The following PKM variants were observed in gnomAD, a reference collection of about 807,000 sequenced individuals.
The protein encoded by PKM is pyruvate kinase PKM.
In PKM, 18 loss-of-function variants were observed where a neutral mutation model predicts 49.8. The ratio of observed to expected loss-of-function variants is 0.36; its 90% CI spans 0.25 to 0.54. The LOEUF is 0.54. Among genes scored for constraint, PKM ranks in the 20% least tolerant of loss-of-function variants. PKM has a pLI of 0.89. For missense variants in PKM, 508 were observed against 713.8 expected (o/e 0.71, Z 3.28); for synonymous variants, 239 against 261.8 (o/e 0.91, Z 0.84).
chr15:72,217,335 C>T, intron 3 of PKM, 74 bp downstream of exon 3: 3 of 910,854 alleles, frequency 3.3e-6, no homozygotes, highest in Non-Finnish European at 3.7e-6. Flanking sequence ...TCCACTGTGG[C>T]TAAACGAACA....
Position 72,202,148 on chromosome 15 carries a change from G to T in PKM, c.1307+306C>A. ...AAAGTGGTTATCTTTTACAATTTTAGAGGACTAAATTTTCAATATCAAATA... is the reference window on the plus strand; with the variant it reads ...AAAGTGGTTATCTTTTACAATTTTATAGGACTAAATTTTCAATATCAAATA... On this transcript the variant is annotated intron_variant, in intron 9 of 10. Transcript: ENST00000335181. The surrounding 1 kb of genome is among the most constrained non-coding windows in gnomAD (Gnocchi z 4.5). 4.7e-6 allele frequency: 2 copies of T among 424,566 alleles called. No homozygotes were observed. Among genetic ancestry groups the T allele is most frequent in the Non-Finnish European group, 8.7e-6 (2 of 231,078 alleles). The allele number at this position is 424,566 out of a possible 1,614,324, so 26.3% of individuals were successfully genotyped here.
intron 2 of PKM, among the ~76,000 whole-genome samples, chr15:72,218,422 G>A (rs565023367): frequency 5.9e-5 from 9 of 151,662 alleles, no homozygotes; most frequent in Admixed American, 1.3e-4. Flanking sequence ...CACTGCGCCC[G>A]GACAATTTTT....
intron 7 of PKM, 120 bp downstream of exon 7, chr15:72,207,007 G>T: frequency 1.4e-6 from 2 of 1,472,768 alleles, no homozygotes; most frequent in South Asian, 1.1e-5. Context: ...CATGGGGGAA[G>T]GGGATTATCT....
chr15:72,219,213 A>C, intron 1 of PKM, 103 bp from the exon 2 acceptor site: 2 of 1,043,780 alleles, frequency 1.9e-6, no homozygotes, highest in Non-Finnish European at 2.8e-6. Context: ...CTCAATAAGC[A>C]CGCTTTGTAC....
rs1454700259 is a variant in PKM, at chr15:72,200,860, T to C, written c.1308-205A>G. ...GCATGCTAGGTTACCATTTGCCCTCTACCCCCATTCCACAGGCCAAGGGCT... is the reference window on the plus strand; with the variant it reads ...GCATGCTAGGTTACCATTTGCCCTCCACCCCCATTCCACAGGCCAAGGGCT... On this transcript the variant is annotated intron_variant, in intron 9 of 10. Coordinates refer to ENST00000335181, the MANE Select transcript of PKM (RefSeq NM_002654.6). The surrounding 1 kb of genome is among the most constrained non-coding windows in gnomAD (Gnocchi z 4.6). The C allele has an allele frequency of 3.6e-6, 2 of 558,236 alleles. No homozygotes were observed. The highest frequency in any genetic ancestry group is 1.9e-5 in the African/African-American group (1 of 53,132). 34.6% of individuals were successfully genotyped at this position (558,236 alleles called of 1,614,324 possible). A position where few individuals can be genotyped will look rare whatever the true frequency, so the allele number is the denominator to read the frequency against.
intron 3 of PKM, among the ~76,000 whole-genome samples, chr15:72,215,000 A>T (rs1010185747): frequency 6.6e-6 from 1 of 151,812 alleles, no homozygotes; most frequent in Non-Finnish European, 1.5e-5. Context: ...CAAGTTCAAG[A>T]CCAGCCTGGC....
Position 72,200,374 on chromosome 15 carries a change from G to A in PKM, c.1489+100C>T, listed in dbSNP as rs1000246117. 9.2e-7 allele frequency: 1 copy of A among 1,082,612 alleles called. No homozygotes were observed. The highest frequency in any genetic ancestry group is 1.4e-6 in the Non-Finnish European group (1 of 713,384). 67.1% of individuals were successfully genotyped at this position (1,082,612 alleles called of 1,614,324 possible). A position where few individuals can be genotyped will look rare whatever the true frequency, so the allele number is the denominator to read the frequency against. ...CCTTTTGCCCCACTAAGGTCTGTGT[G>A]TTCCCCTTTCTATTCCCCAAACTTT... On this transcript the variant is annotated intron_variant, in intron 10 of 10. Coordinates refer to ENST00000335181, the MANE Select transcript of PKM (RefSeq NM_002654.6). The surrounding 1 kb of genome is among the most constrained non-coding windows in gnomAD (Gnocchi z 4.6).
Position 72,200,976 on chromosome 15 carries a change from A to C in PKM, c.1308-321T>G. 1 of 287,762 alleles carries C rather than the reference A, an allele frequency of 3.5e-6. No homozygotes were observed. 17.8% of individuals were successfully genotyped at this position (287,762 alleles called of 1,614,324 possible). A position where few individuals can be genotyped will look rare whatever the true frequency, so the allele number is the denominator to read the frequency against. The stretch of plus-strand genomic sequence containing the variant: ...AACCCCTCCTACACCCTGAACTCTG[A>C]CACAGAGAGGCAGCCCTGGCCCAAT... On this transcript the variant is annotated intron_variant, in intron 9 of 10. Coordinates refer to ENST00000335181, the MANE Select transcript of PKM (RefSeq NM_002654.6). The surrounding 1 kb of genome is among the most constrained non-coding windows in gnomAD (Gnocchi z 4.6).
At chr15:72,203,624 A>T (rs890416255) in intron 8 of PKM, 3 of 271,648 alleles carry the variant, frequency 1.1e-5, no homozygotes, top group African/African-American at 6.6e-5. Context: ...CCCAGCCTCC[A>T]TGCATGCATG....
At chr15:72,229,405 G>A (rs1466916225) in intron 1 of PKM, 1 of 401,318 alleles carries the variant, frequency 2.5e-6, no homozygotes, top group South Asian at 1.9e-5. Context: ...AGTCAAACCT[G>A]ATTCTAAACG....
rs1213832363 is a variant in PKM at position 72,209,796 on chromosome 15, A to T, written c.442T>A (p.Tyr148Asn). ...ATGTTCTCGTCACACTTTTCCATGT[A>T]GGCGTTATCCAGCGTGATTTTGAGA... is the stretch of plus-strand genomic sequence containing the variant. ...ATLKITLDNA[Y>N]MEKCDENILW... is the part of the protein sequence containing the mutation. Residue 148 changes from tyrosine (Y) to asparagine (N), a missense_variant, in exon 5 of 11, where the codon TAC becomes AAC. Coordinates refer to ENST00000335181, the MANE Select transcript of PKM (RefSeq NM_002654.6). 10 of 1,614,036 alleles carry T rather than the reference A, an allele frequency of 6.2e-6. No individual in the cohort carries two copies. The highest frequency in any genetic ancestry group is 8.5e-6 in the Non-Finnish European group (10 of 1,179,970).
intron 8 of PKM, among the ~76,000 whole-genome samples, chr15:72,205,640 T>G (rs1300861576): frequency 6.7e-6 from 1 of 150,054 alleles, no homozygotes; most frequent in Non-Finnish European, 1.5e-5. Flanking sequence ...TTTTTTTTTT[T>G]TTTTTTCTGT....
rs963902395 is a variant in PKM, at chr15:72,202,905, A to T, written c.1141-285T>A. Reference sequence around the variant, plus strand: ...CCATGACCTCCCTGGCGGTGTTCCTACAGACGAGAAGAGGCTCTGTGCCCA... The same window carrying T: ...CCATGACCTCCCTGGCGGTGTTCCTTCAGACGAGAAGAGGCTCTGTGCCCA... On this transcript the variant is annotated intron_variant, in intron 8 of 10. Coordinates refer to ENST00000335181, the MANE Select transcript of PKM (RefSeq NM_002654.6). The surrounding 1 kb of genome is among the most constrained non-coding windows in gnomAD (Gnocchi z 4.5). 7.3e-6 allele frequency: 8 copies of T among 1,101,428 alleles called. No individual in the cohort carries two copies. The highest frequency in any genetic ancestry group is 8.2e-6 in the Non-Finnish European group (6 of 728,150). 68.2% of individuals were successfully genotyped at this position (1,101,428 alleles called of 1,614,324 possible).
Position 72,219,353 on chromosome 15 carries a change from T to C in PKM, c.-13-243A>G, listed in dbSNP as rs1470539237. On this transcript the variant is annotated intron_variant, in intron 1 of 10. Coordinates refer to ENST00000335181, the MANE Select transcript of PKM (RefSeq NM_002654.6). ...GTTAAAACCTCCCACCCACTCCACA[T>C]AGTCCCAAGCACCCACAGTAAGCAG... is the stretch of plus-strand genomic sequence containing the variant. 3 of 445,212 alleles carry C rather than the reference T, an allele frequency of 6.7e-6. No homozygotes were observed. The East Asian group carries it at 1.1e-4, about 17-fold the overall frequency. The allele number at this position is 445,212 out of a possible 1,614,324, so 27.6% of individuals were successfully genotyped here.
chr15:72,229,697 G>T, intron 1 of PKM: 1 of 1,225,550 alleles, frequency 8.2e-7, no homozygotes, highest in East Asian at 5.9e-5. Flanking sequence ...AGCATTACAG[G>T]AGATACATTT....
chr15:72,210,102 TAGAA>T (rs2082210901), intron 4 of PKM: 7 of 624,748 alleles, frequency 1.1e-5, no homozygotes, highest in Non-Finnish European at 1.7e-5. Context: ...TTCTCCAAGT[TAGAA>T]AGCCTAAAGT....
At chr15:72,218,243 G>A (rs1389610463) in intron 2 of PKM, among the ~76,000 whole-genome samples, 2 of 151,756 alleles carry the variant, frequency 1.3e-5, no homozygotes, top group African/African-American at 4.8e-5. Flanking sequence ...TCCTGCCTCA[G>A]CCTCCCAAGT....
chr15:72,205,624 G>GTTTTTTTTTTT (rs140232218), intron 8 of PKM, among the ~76,000 whole-genome samples: 2 of 99,736 alleles, frequency 2.0e-5, no homozygotes, highest in African/African-American at 3.6e-5. Flanking sequence ...GGGTGTTTTA[G>GTTTTTTTTTTT]TTTTTTTTTT....
intron 4 of PKM, chr15:72,210,090 G>GGTT: frequency 1.6e-6 from 1 of 617,718 alleles, no homozygotes; most frequent in South Asian, 2.0e-5. Flanking sequence ...ACAAAGAGAT[G>GGTT]GTTCTCCAAG....
Sources: gnomAD v4.1 joint callset for allele counts (sites outside exome capture counted in the v4.1 genomes callset) on GRCh38, gnomAD v4.1.1 for gene constraint, Gnocchi (gnomAD v3.1) non-coding constraint, MANE v1.5 for transcripts, NCBI Gene and HGNC (gene_info 2026-07-23, HGNC 2026-07-21) for gene names.